The following ZMYND12 variants were observed in gnomAD, a reference collection of about 807,000 sequenced individuals.
ZMYND12 encodes zinc finger MYND-type containing 12.
In ZMYND12, 32 loss-of-function variants were observed where a neutral mutation model predicts 41.7. The observed-to-expected ratio is 0.77, with a 90% CI of 0.58 to 1.03. The LOEUF is 1.03. Among genes scored for constraint, ZMYND12 ranks in the 50% least tolerant of loss-of-function variants. The pLI, the probability that ZMYND12 is intolerant of heterozygous loss-of-function variation, is 0.00. For missense variants in ZMYND12, 424 were observed against 438.5 expected (o/e 0.97, Z 0.30); for synonymous variants, 148 against 164.8 (o/e 0.90, Z 0.78).
chr1:42,441,163 AG>A (rs1283294757), intron 3 of ZMYND12, among the ~76,000 whole-genome samples: 3 of 152,214 alleles, frequency 2.0e-5, no homozygotes, highest in Non-Finnish European at 4.4e-5. Flanking sequence ...GAAGTGTCAG[AG>A]GATAGGAAAT....
chr1:42,430,457 T>C lies in ZMYND12; in HGVS notation c.*279A>G, dbSNP rs1642835683. The C allele has an allele frequency of 3.0e-6, 1 of 335,898 alleles. No individual in the cohort carries two copies. Among genetic ancestry groups the C allele is most frequent in the South Asian group, 9.2e-5 (1 of 10,832 alleles). The allele number at this position is 335,898 out of a possible 1,614,324, so 20.8% of individuals were successfully genotyped here. On this transcript the variant is annotated 3_prime_UTR_variant, in exon 8 of 8. Transcript: ENST00000372565. ...ATTTGTAGTTTAATTACAAATACCA[T>C]ATTAGTGATCTGACTACATATTACT...
At chr1:42,450,302 T>C (rs17379185) in intron 1 of ZMYND12, among the ~76,000 whole-genome samples, 13,180 of 152,258 alleles carry the variant, frequency 0.087, 755 homozygotes, top group Non-Finnish European at 0.13. Context: ...CATTCTGAAG[T>C]CACACAGGGA....
intron 7 of ZMYND12, among the ~76,000 whole-genome samples, chr1:42,432,060 C>CTT (rs111394001): frequency 0.14 from 18,634 of 132,814 alleles, 1,642 homozygotes; most frequent in East Asian, 0.22. Context: ...TTTTCTTTTT[C>CTT]TTTTTTTTTT....
At position 42,436,429 on chromosome 1, in the gene ZMYND12, AC is replaced by A. The variant is rs1557766620; in HGVS notation, c.708del (p.Leu236PhefsTer13). 1 of 1,613,340 alleles carries A rather than the reference AC, an allele frequency of 6.2e-7. No homozygotes were observed. Among genetic ancestry groups the A allele is most frequent in the Admixed American group, 1.7e-5 (1 of 60,014 alleles). ...DLKKLDLADT[L>X]YTKVSEIWHA... ...CACATTCCCCAGCTCACCTTGGTGT[AC>A]AATGTGTCTGCCAGGTCCAACTTTT... On this transcript the variant is annotated frameshift_variant, in exon 5 of 8. Coordinates refer to ENST00000372565, the MANE Select transcript of ZMYND12 (RefSeq NM_032257.5). LOFTEE classifies it high-confidence loss of function.
chr1:42,450,725 AC>A (rs1358127700), intron 1 of ZMYND12, among the ~76,000 whole-genome samples: 1 of 152,198 alleles, frequency 6.6e-6, no homozygotes, highest in Non-Finnish European at 1.5e-5. Context: ...TCATATGAGT[AC>A]TAAATTCATA....
chr1:42,433,092 G>C, intron 7 of ZMYND12, 51 bp downstream of exon 7: 1 of 1,600,964 alleles, frequency 6.2e-7, no homozygotes, highest in Non-Finnish European at 8.5e-7. Context: ...AGTTCAACTA[G>C]TTGAATTTCT....
intron 5 of ZMYND12, 86 bp from the exon 6 acceptor site, chr1:42,435,471 C>T (rs577885117): frequency 3.3e-5 from 35 of 1,058,292 alleles, no homozygotes; most frequent in Admixed American, 2.8e-4. Context: ...CGCATTTGGC[C>T]GGGCTTCTGG....
intron 5 of ZMYND12, 107 bp from the exon 6 acceptor site, chr1:42,435,492 G>T: frequency 3.6e-6 from 3 of 838,228 alleles, no homozygotes; most frequent in South Asian, 3.0e-5. Context: ...ACAACCTGGA[G>T]GTTCTCTCTC....
At chr1:42,434,071 C>T (rs931227377) in intron 6 of ZMYND12, among the ~76,000 whole-genome samples, 2 of 152,208 alleles carry the variant, frequency 1.3e-5, no homozygotes, top group African/African-American at 4.8e-5. Context: ...CCTTCTTCAA[C>T]ACCACCCAGC....
intron 3 of ZMYND12, among the ~76,000 whole-genome samples, chr1:42,447,244 G>C (rs919116817): frequency 6.6e-6 from 1 of 152,146 alleles, no homozygotes; most frequent in African/African-American, 2.4e-5. Flanking sequence ...CAGTTTATAG[G>C]ATGGGATGAG....
intron 5 of ZMYND12, chr1:42,435,622 G>A (rs942230615): frequency 2.4e-6 from 1 of 409,664 alleles, no homozygotes; most frequent in South Asian, 3.3e-5. Context: ...GCCCTAGTGG[G>A]GTCTAATAAC....
At chr1:42,437,051 A>C (rs139727925) in intron 4 of ZMYND12, among the ~76,000 whole-genome samples, 271 of 152,358 alleles carry the variant, frequency 1.8e-3, no homozygotes, top group African/African-American at 4.9e-3. Flanking sequence ...AATGTCCATC[A>C]ACTGATAAAT....
chr1:42,447,838 C>G (rs1000258260), intron 3 of ZMYND12, among the ~76,000 whole-genome samples: 2 of 152,098 alleles, frequency 1.3e-5, no homozygotes, highest in African/African-American at 4.8e-5. Flanking sequence ...GCTCTATACT[C>G]TCAGAATTGC....
intron 3 of ZMYND12, among the ~76,000 whole-genome samples, chr1:42,441,981 A>G (rs750448834): frequency 2.6e-5 from 4 of 152,052 alleles, no homozygotes; most frequent in Non-Finnish European, 4.4e-5. Flanking sequence ...TTTTTGACCC[A>G]TGGTTGCTTG....
chr1:42,442,172 T>C (rs112987519), intron 3 of ZMYND12, among the ~76,000 whole-genome samples: 6,539 of 152,172 alleles, frequency 0.043, 470 homozygotes, highest in African/African-American at 0.15. Context: ...GGATAAAAAC[T>C]AGAGGATTTT....
chr1:42,455,868 T>A lies in ZMYND12; in HGVS notation c.110+20A>T. On this transcript the variant is annotated intron_variant, in intron 1 of 7. Transcript: ENST00000372565. ...GAGGGAGGGAGTTATAGCGCCCAGGTGCCACGTTTCAGGGCCTACCAGTAA... is the reference window on the plus strand; with the variant it reads ...GAGGGAGGGAGTTATAGCGCCCAGGAGCCACGTTTCAGGGCCTACCAGTAA... 6.3e-7 allele frequency: 1 copy of A among 1,581,502 alleles called. No individual in the cohort carries two copies. Among genetic ancestry groups the A allele is most frequent in the Non-Finnish European group, 8.6e-7 (1 of 1,156,688 alleles).
intron 1 of ZMYND12, among the ~76,000 whole-genome samples, chr1:42,453,953 A>G (rs548617703): frequency 5.9e-5 from 9 of 152,368 alleles, no homozygotes; most frequent in Non-Finnish European, 1.2e-4. Context: ...CAATAATATA[A>G]AAGTACAGAA....
At chr1:42,449,881 C>G in intron 2 of ZMYND12, 37 bp downstream of exon 2, 1 of 1,603,798 alleles carries the variant, frequency 6.2e-7, no homozygotes, top group East Asian at 2.2e-5. Flanking sequence ...CTTCACCGCA[C>G]CTACGACTTA....
intron 4 of ZMYND12, among the ~76,000 whole-genome samples, chr1:42,438,722 T>A (rs931457187): frequency 1.3e-5 from 2 of 152,078 alleles, no homozygotes; most frequent in Admixed American, 1.3e-4. Context: ...TTAGTGGAAT[T>A]TAAAGAATAA....
Sources: allele counts gnomAD v4.1 joint callset (sites outside exome capture counted in the v4.1 genomes callset), GRCh38; gene constraint gnomAD v4.1.1; transcripts MANE v1.5; gene names NCBI Gene and HGNC (gene_info 2026-07-23, HGNC 2026-07-21).